The following KIF5A variants were observed in gnomAD, a reference collection of about 807,000 sequenced individuals.
KIF5A encodes kinesin family member 5A.
In KIF5A, 35 loss-of-function variants were observed where a neutral mutation model predicts 141.3. That is an observed-to-expected ratio of 0.25 (90% CI 0.19 to 0.33). The LOEUF is 0.33. Among genes scored for constraint, KIF5A ranks in the 10% least tolerant of loss-of-function variants. The pLI is 1.00. For synonymous variants in KIF5A, 448 were observed against 500.2 expected, an observed-to-expected ratio of 0.90 and a Z score of 1.39; for missense variants, 861 against 1,314.3, an observed-to-expected ratio of 0.66 and a Z score of 5.33.
At position 57,584,976 on chromosome 12, in the gene KIF5A, A is replaced by T. The variant is rs1882714941; in HGVS notation, c.*795A>T. The T allele has an allele frequency of 6.6e-6, 1 of 152,188 alleles. No homozygotes were observed. The highest frequency in any genetic ancestry group is 2.4e-5 in the African/African-American group (1 of 41,422). 9.4% of individuals were successfully genotyped at this position (152,188 alleles called of 1,614,324 possible). ...CCAGAGCTGATTTAAAATATTTTGA[A>T]AAATGGAGGAGGCAGACTGCTCCCA... is the stretch of plus-strand genomic sequence containing the variant. On this transcript the variant is annotated 3_prime_UTR_variant, in exon 29 of 29. Coordinates refer to ENST00000455537, the MANE Select transcript of KIF5A (RefSeq NM_004984.4).
chr12:57,570,140 T>G lies in KIF5A; in HGVS notation c.1271T>G (p.Leu424Arg), dbSNP rs749775296. The G allele has an allele frequency of 6.2e-7, 1 of 1,613,944 alleles. No individual in the cohort carries two copies. Among genetic ancestry groups the G allele is most frequent in the East Asian group, 2.2e-5 (1 of 44,878 alleles). ...RQKYEEEIRR[L>R]YKQLDDKDDE... ...AAATACGAGGAGGAGATCCGCCGTC[T>G]CTATAAGCAGCTTGACGACAAGGTG... The change falls in exon 12 of 29, where the codon CTC becomes CGC. Residue 424 changes from leucine to arginine, a missense_variant. Leu to Arg is a moderately radical substitution (Grantham distance 102, BLOSUM62 -2). Coordinates refer to ENST00000455537, the MANE Select transcript of KIF5A (RefSeq NM_004984.4).
intron 1 of KIF5A, among the ~76,000 whole-genome samples, chr12:57,552,776 G>A (rs1375356933): frequency 6.6e-6 from 1 of 152,148 alleles, no homozygotes; most frequent in Non-Finnish European, 1.5e-5. Flanking sequence ...TGTCTAGGAA[G>A]GTGCGGGAAG....
At chr12:57,563,086 A>G (rs559044223) in intron 1 of KIF5A, among the ~76,000 whole-genome samples, 29 of 150,082 alleles carry the variant, frequency 1.9e-4, no homozygotes, top group Admixed American at 1.7e-3. Flanking sequence ...GGCTCACTGC[A>G]ACCTCTGCCT....
At chr12:57,555,949 A>G (rs1881726937) in intron 1 of KIF5A, among the ~76,000 whole-genome samples, 1 of 151,566 alleles carries the variant, frequency 6.6e-6, no homozygotes, top group South Asian at 2.1e-4. Flanking sequence ...GAAAAAAAAG[A>G]AAAAACAAAT....
Position 57,584,922 on chromosome 12 carries a change from T to A in KIF5A, c.*741T>A, listed in dbSNP as rs1464512106. ...CTTTTTCTTCAAGCTCCTTTTGATA[T>A]TCCCTGCCCCAGAGCTCATGACCAG... On this transcript the variant is annotated 3_prime_UTR_variant, in exon 29 of 29. Coordinates refer to ENST00000455537, the MANE Select transcript of KIF5A (RefSeq NM_004984.4). 6.6e-6 allele frequency: 1 copy of A among 152,202 alleles called. No individual in the cohort carries two copies. The highest frequency in any genetic ancestry group is 6.5e-5 in the Admixed American group (1 of 15,274). 9.4% of individuals were successfully genotyped at this position (152,202 alleles called of 1,614,324 possible). A position where few individuals can be genotyped will look rare whatever the true frequency, so the allele number is the denominator to read the frequency against.
intron 28 of KIF5A, among the ~76,000 whole-genome samples, 161 bp downstream of exon 28, chr12:57,583,376 C>T (rs1882666194): frequency 6.6e-6 from 1 of 152,194 alleles, no homozygotes; most frequent in Non-Finnish European, 1.5e-5. Context: ...GGGGGCTACA[C>T]CTGTGCTGCC....
Position 57,563,472 on chromosome 12 carries a change from C to G in KIF5A, c.163C>G (p.Pro55Ala). 3 of 1,613,792 alleles carry G rather than the reference C, an allele frequency of 1.9e-6. No individual in the cohort carries two copies. The highest frequency in any genetic ancestry group is 1.1e-5 in the South Asian group (1 of 91,078). Residue 55 changes from proline (P) to alanine (A), a missense_variant, in exon 2 of 29, where the codon CCA becomes GCA. Around this residue, in one of 5 missense-constraint regions of KIF5A, gnomAD observed 59 missense variants for 81.1 expected, o/e 0.73. Coordinates refer to ENST00000455537, the MANE Select transcript of KIF5A (RefSeq NM_004984.4). The part of the protein sequence containing the change: ...KPYVFDRVFP[P>A]NTTQEQVYHA... ...ATATGTTTTTGACCGTGTATTCCCC[C>G]CAAACACGACTCAAGAGCAAGTTTA... is the stretch of plus-strand genomic sequence containing the variant.
intron 1 of KIF5A, among the ~76,000 whole-genome samples, chr12:57,552,904 G>A (rs896732186): frequency 2.0e-5 from 3 of 152,062 alleles, no homozygotes; most frequent in Admixed American, 6.6e-5. Context: ...CCTTCTGTTC[G>A]TGGGCTTTGT....
At position 57,575,248 on chromosome 12, in the gene KIF5A, A is replaced by G. The variant is rs1472498722; in HGVS notation, c.1881A>G (p.Ser627=). Residue 627 remains serine (S), a synonymous_variant, in exon 16 of 29, where the codon TCA becomes TCG. Transcript: ENST00000455537. ...RKMEVTGREL[S]SCQLLISQHE... ...TGGAAGTGACCGGGCGGGAGCTCTC[A>G]TCCTGCCAGCTCCTCATCTCTCAGG... The G allele has an allele frequency of 1.2e-6, 2 of 1,613,216 alleles. No individual in the cohort carries two copies. The highest frequency in any genetic ancestry group is 1.7e-6 in the Non-Finnish European group (2 of 1,179,460).
rs1424316613 is a variant in KIF5A at position 57,550,973 on chromosome 12, A to G, written c.129+573A>G. Among the ~76,000 whole-genome samples the G allele has an allele frequency of 6.6e-6, 1 of 151,940 alleles. No homozygotes were observed. The highest frequency in any genetic ancestry group is 1.5e-5 in the Non-Finnish European group (1 of 67,958). On this transcript the variant is annotated intron_variant, in intron 1 of 28. Transcript: ENST00000455537. This position sits in a 1 kb window ranked among gnomAD's most constrained non-coding sequence, Gnocchi z 4.6. ...TGATGCAGGGTTTACTGGGAAAGAAATCATTGATGCCACACCCAATCTTGG... is the reference window on the plus strand; with the variant it reads ...TGATGCAGGGTTTACTGGGAAAGAAGTCATTGATGCCACACCCAATCTTGG...
In KIF5A at chr12:57,563,708, T is replaced by C. The variant is rs764730335; in HGVS notation, c.291+15T>C. The C allele has an allele frequency of 1.6e-5, 25 of 1,611,088 alleles. No individual in the cohort carries two copies. The highest frequency in any genetic ancestry group is 1.5e-4 in the Admixed American group (9 of 59,966). ...ATACCATGGAGGTGAGGGTTCTGGC[T>C]TTGGTGGTTGAGGGGCTAGGAGTGT... On this transcript the variant is annotated intron_variant, in intron 3 of 28. Coordinates refer to ENST00000455537, the MANE Select transcript of KIF5A (RefSeq NM_004984.4).
At chr12:57,578,417 T>A (rs1882496312) in intron 23 of KIF5A, 75 bp downstream of exon 23, 1 of 971,996 alleles carries the variant, frequency 1.0e-6, no homozygotes. Flanking sequence ...AGAGGCCCCT[T>A]GGATTCAGGA....
At chr12:57,579,174 G>A (rs912892200) in intron 23 of KIF5A, among the ~76,000 whole-genome samples, 2 of 152,092 alleles carry the variant, frequency 1.3e-5, no homozygotes, top group African/African-American at 2.4e-5. Context: ...CCTTGCTGTT[G>A]CGGTTCTTTA....
intron 8 of KIF5A, 46 bp from the exon 9 acceptor site, chr12:57,568,917 C>G (rs1340577061): frequency 2.3e-6 from 3 of 1,333,006 alleles, no homozygotes; most frequent in Admixed American, 3.4e-5. Flanking sequence ...ACAGCCCTCT[C>G]CATGTGCAGC....
chr12:57,560,098 G>T (rs1881866045), intron 1 of KIF5A, among the ~76,000 whole-genome samples: 1 of 152,130 alleles, frequency 6.6e-6, no homozygotes, highest in Non-Finnish European at 1.5e-5. Context: ...CACCATGTTG[G>T]CCAGGCTAGT....
In KIF5A at chr12:57,572,878, G is replaced by T. The variant is rs1037382366; in HGVS notation, c.1716+152G>T. On this transcript the variant is annotated intron_variant, in intron 15 of 28. Coordinates refer to ENST00000455537, the MANE Select transcript of KIF5A (RefSeq NM_004984.4). This position sits in a 1 kb window ranked among gnomAD's most constrained non-coding sequence, Gnocchi z 4.2. Reference sequence around the variant, plus strand: ...GACCCAGGAAGACAGGTAGAGGCTTGTATAGACCCAATTGAAAAGATACAT... The same window carrying T: ...GACCCAGGAAGACAGGTAGAGGCTTTTATAGACCCAATTGAAAAGATACAT... The T allele has an allele frequency of 3.2e-6, 3 of 950,832 alleles. No homozygotes were observed. Among genetic ancestry groups the T allele is most frequent in the Middle Eastern group, 2.4e-4 (1 of 4,124 alleles). 58.9% of individuals were successfully genotyped at this position (950,832 alleles called of 1,614,324 possible). A position where few individuals can be genotyped will look rare whatever the true frequency, so the allele number is the denominator to read the frequency against.
Position 57,572,406 on chromosome 12 carries a change from A to G in KIF5A, c.1569+139A>G, listed in dbSNP as rs1882283709. The stretch of plus-strand genomic sequence containing the variant: ...TCAGTGCATTGTGAGTCCCTCCCCA[A>G]CCCTGTCACTGCACTTTCCCCTCAC... On this transcript the variant is annotated intron_variant, in intron 14 of 28. Coordinates refer to ENST00000455537, the MANE Select transcript of KIF5A (RefSeq NM_004984.4). The surrounding 1 kb of genome is among the most constrained non-coding windows in gnomAD (Gnocchi z 4.2). The G allele has an allele frequency of 1.6e-6, 2 of 1,240,332 alleles. No homozygotes were observed. Among genetic ancestry groups the G allele is most frequent in the South Asian group, 1.3e-5 (1 of 77,394 alleles). 76.8% of individuals were successfully genotyped at this position (1,240,332 alleles called of 1,614,324 possible). A position where few individuals can be genotyped will look rare whatever the true frequency, so the allele number is the denominator to read the frequency against.
Position 57,564,486 on chromosome 12 carries a change from C to T in KIF5A, c.423C>T (p.Asp141=), listed in dbSNP as rs1882003620. ...TTTCTTACTTTGAAATTTACCTGGACAAAATTCGTGACCTTCTGGATGGTG... is the reference window on the plus strand; with the variant it reads ...TTTCTTACTTTGAAATTTACCTGGATAAAATTCGTGACCTTCTGGATGGTG... ...IKVSYFEIYL[D]KIRDLLDVTK... is the part of the protein sequence containing the mutation. The change falls in exon 5 of 29, where the codon GAC becomes GAT. Residue 141 remains aspartate (D), a synonymous_variant. Coordinates refer to ENST00000455537, the MANE Select transcript of KIF5A (RefSeq NM_004984.4). 1 of 1,612,858 alleles carries T rather than the reference C, an allele frequency of 6.2e-7. No individual in the cohort carries two copies.
intron 1 of KIF5A, among the ~76,000 whole-genome samples, chr12:57,555,174 G>A (rs1485907008): frequency 6.6e-6 from 1 of 152,102 alleles, no homozygotes; most frequent in African/African-American, 2.4e-5. Flanking sequence ...CCCAGATTCT[G>A]ATAAGGAACC....
Sources: allele counts gnomAD v4.1 joint callset (sites outside exome capture counted in the v4.1 genomes callset), GRCh38; gene constraint gnomAD v4.1.1; regional missense constraint gnomAD v4.1.1; non-coding constraint Gnocchi (gnomAD v3.1); transcripts MANE v1.5; gene names NCBI Gene and HGNC (gene_info 2026-07-23, HGNC 2026-07-21).